CFAP299: variants seen among roughly 807,000 people sequenced by gnomAD.
CFAP299 encodes the protein cilia and flagella associated protein 299, also known as cilia- and flagella-associated protein 299.
A neutral mutation model predicts 27.0 loss-of-function variants in CFAP299; 21 were observed. That is an observed-to-expected ratio of 0.78 (90% confidence interval 0.55 to 1.12). The LOEUF (loss-of-function observed/expected upper bound fraction) is 1.12. Ranked by LOEUF, CFAP299 falls within the 50% of genes most tolerant of loss-of-function variation. The pLI is 0.00. For synonymous variants in CFAP299, 104 were observed against 98.1 expected (o/e 1.06, Z -0.36); for missense variants, 310 against 276.6 (o/e 1.12, Z -0.86).
At chr4:80,587,390 G>A (rs535086062) in intron 3 of CFAP299, among the ~76,000 whole-genome samples, 24 of 152,182 alleles carry the variant, frequency 1.6e-4, no homozygotes, top group African/African-American at 4.8e-4. Context: ...AGGAAAGAGC[G>A]AAGGTTATGG....
intron 4 of CFAP299, among the ~76,000 whole-genome samples, chr4:80,924,313 C>CA (rs1736192047): frequency 6.6e-6 from 1 of 151,380 alleles, no homozygotes. Context: ...TCTTACAGTT[C>CA]AAAAAAAGAC....
chr4:80,654,188 T>A (rs2109973488), intron 3 of CFAP299, among the ~76,000 whole-genome samples: 1 of 152,280 alleles, frequency 6.6e-6, no homozygotes, highest in Non-Finnish European at 1.5e-5. Context: ...ATTATTGAAT[T>A]CATGTTTTAC....
chr4:80,357,163 C>A lies in CFAP299; in HGVS notation c.112-5591C>A, dbSNP rs1236005561. On this transcript the variant is annotated intron_variant, in intron 1 of 5. Coordinates refer to ENST00000358105, the MANE Select transcript of CFAP299 (RefSeq NM_152770.3). ...GTTTATTGATTTACATATGTTGAACCAACCTTGCGTCCCAAGGATGAAGCC... is the reference window on the plus strand; with the variant it reads ...GTTTATTGATTTACATATGTTGAACAAACCTTGCGTCCCAAGGATGAAGCC... Among the ~76,000 whole-genome samples the A allele has an allele frequency of 2.6e-5, 4 of 152,104 alleles. No individual in the cohort carries two copies. The East Asian group carries it at 5.8e-4, about 22-fold the overall frequency.
In CFAP299 at chr4:80,924,306, T is replaced by G. The variant is rs151283387; in HGVS notation, c.477-20504T>G. ...TGGCTATGGCCCACTAAATTGATCT[T>G]ACAGTTCAAAAAAAGACCACAGTAT... On this transcript the variant is annotated intron_variant, in intron 4 of 5. Transcript: ENST00000358105. Among the ~76,000 whole-genome samples the G allele has an allele frequency of 2.9e-3, 441 of 151,962 alleles. 1 individual carries two copies. The highest frequency in any genetic ancestry group is 0.01 in the African/African-American group (420 of 41,522).
upstream of CFAP299, among the ~76,000 whole-genome samples, chr4:80,332,254 C>CA (rs1463625831): frequency 2.0e-5 from 3 of 152,128 alleles, no homozygotes; most frequent in Non-Finnish European, 4.4e-5. Context: ...GAAATGGAGA[C>CA]AGTGATTGTA....
At chr4:80,359,165 G>A (rs551888768) in intron 1 of CFAP299, among the ~76,000 whole-genome samples, 4 of 152,186 alleles carry the variant, frequency 2.6e-5, no homozygotes, top group East Asian at 1.9e-4. Flanking sequence ...TTTCTGGCTT[G>A]TAGAGTTTCT....
At chr4:80,581,918 G>C (rs1484368122) in intron 2 of CFAP299, among the ~76,000 whole-genome samples, 1 of 151,766 alleles carries the variant, frequency 6.6e-6, no homozygotes, top group Non-Finnish European at 1.5e-5. Flanking sequence ...CCCTGAAAGG[G>C]GTTGTAAGAA....
At chr4:80,487,543 G>A (rs958386895) in intron 2 of CFAP299, among the ~76,000 whole-genome samples, 13 of 152,142 alleles carry the variant, frequency 8.5e-5, no homozygotes, top group Admixed American at 5.2e-4. Context: ...GAGTCTAGAA[G>A]GCAGAGAGGG....
chr4:80,370,019 G>A (rs924934960), intron 2 of CFAP299, among the ~76,000 whole-genome samples: 3 of 152,096 alleles, frequency 2.0e-5, no homozygotes, highest in Non-Finnish European at 2.9e-5. Flanking sequence ...AGGTTTAATT[G>A]GTTCATGATT....
intron 2 of CFAP299, among the ~76,000 whole-genome samples, chr4:80,516,254 C>T (rs1732584547): frequency 6.6e-6 from 1 of 152,006 alleles, no homozygotes; most frequent in Non-Finnish European, 1.5e-5. Context: ...CTCCTGACCT[C>T]AGGTAATCCT....
intron 2 of CFAP299, among the ~76,000 whole-genome samples, chr4:80,521,442 C>T (rs115767317): frequency 1.3e-3 from 192 of 152,150 alleles, no homozygotes; most frequent in African/African-American, 4.3e-3. Context: ...AATAGGTAAA[C>T]GATTATTTTG....
chr4:80,703,968 A>G (rs1368589343), intron 3 of CFAP299, among the ~76,000 whole-genome samples: 2 of 151,798 alleles, frequency 1.3e-5, no homozygotes, highest in South Asian at 2.1e-4. Context: ...ATGAGATGAC[A>G]TTGAGAAGCC....
At chr4:80,362,244 T>C (rs1266807902) in intron 1 of CFAP299, among the ~76,000 whole-genome samples, 1 of 151,982 alleles carries the variant, frequency 6.6e-6, no homozygotes, top group Non-Finnish European at 1.5e-5. Flanking sequence ...TGCTCCTCTT[T>C]ATTTTGTATT....
At chr4:80,629,093 T>C (rs904083103) in intron 3 of CFAP299, among the ~76,000 whole-genome samples, 1 of 152,144 alleles carries the variant, frequency 6.6e-6, no homozygotes, top group South Asian at 2.1e-4. Flanking sequence ...AATGAGTGGA[T>C]TAAAAAATGT....
chr4:80,530,660 G>A (rs1560610126), intron 2 of CFAP299, among the ~76,000 whole-genome samples: 2 of 152,212 alleles, frequency 1.3e-5, no homozygotes, highest in African/African-American at 4.8e-5. Flanking sequence ...AATGCATTTT[G>A]TGCTAAATTG....
chr4:80,824,031 C>A (rs938452366), intron 3 of CFAP299, among the ~76,000 whole-genome samples: 7 of 151,588 alleles, frequency 4.6e-5, no homozygotes, highest in Admixed American at 3.9e-4. Flanking sequence ...ATGTGTTGTG[C>A]CTCATTTGAT....
chr4:80,754,945 A>G (rs1233159155), intron 3 of CFAP299, among the ~76,000 whole-genome samples: 1 of 152,104 alleles, frequency 6.6e-6, no homozygotes, highest in Non-Finnish European at 1.5e-5. Flanking sequence ...TAAGGGAGGA[A>G]ACAATGTTCT....
Position 80,774,183 on chromosome 4 carries a change from G to A in CFAP299, c.334-95810G>A, listed in dbSNP as rs896060685. Among the ~76,000 whole-genome samples, 3 of 151,874 alleles carry A rather than the reference G, an allele frequency of 2.0e-5. No individual in the cohort carries two copies. In the South Asian group the frequency reaches 6.2e-4, roughly 31 times the overall value. ...AAAACCTTAAGTAAAATAGGCCTGT[G>A]AATTTGTGAGGTTGTTAAATCAGTA... On this transcript the variant is annotated intron_variant, in intron 3 of 5. Coordinates refer to ENST00000358105, the MANE Select transcript of CFAP299 (RefSeq NM_152770.3).
chr4:80,784,148 A>T (rs1454601667), intron 3 of CFAP299, among the ~76,000 whole-genome samples: 3 of 152,148 alleles, frequency 2.0e-5, no homozygotes, highest in Non-Finnish European at 4.4e-5. Flanking sequence ...TATTGTGAAT[A>T]CTGCTGCAAT....
Sources: gnomAD v4.1 joint callset for allele counts (sites outside exome capture counted in the v4.1 genomes callset) on GRCh38, gnomAD v4.1.1 for gene constraint, MANE v1.5 for transcripts, NCBI Gene and HGNC (gene_info 2026-07-23, HGNC 2026-07-21) for gene names.